LRRC37B: variants seen among roughly 807,000 people sequenced by gnomAD.
The protein encoded by LRRC37B is leucine rich repeat containing 37B.
A neutral mutation model predicts 98.3 loss-of-function variants in LRRC37B; 28 were observed. The ratio of observed to expected loss-of-function variants is 0.28; its 90% CI spans 0.21 to 0.39. The LOEUF (loss-of-function observed/expected upper bound fraction) is 0.39, where lower values mean the gene tolerates loss of function less well. Ranked by LOEUF, LRRC37B falls within the 10% of genes least tolerant of loss-of-function variation. The pLI is 1.00. For synonymous variants in LRRC37B, 364 were observed against 442.7 expected, an observed-to-expected ratio of 0.82 and a Z score of 2.23; for missense variants, 938 against 1,182.7, an observed-to-expected ratio of 0.79 and a Z score of 3.03.
At chr17:32,018,617 GC>G (rs746557133), upstream of LRRC37B, among the ~76,000 whole-genome samples, 48 of 152,240 alleles carry the variant, frequency 3.2e-4, no homozygotes, top group Middle Eastern at 0.017. Flanking sequence ...GGGATGCTGG[GC>G]TGCTTGAACA....
upstream of LRRC37B, chr17:32,007,827 CCACCGCCGCCGGCCCGCCCCGCGCCGG>C (rs975355664): frequency 5.1e-6 from 6 of 1,176,488 alleles, no homozygotes; most frequent in Non-Finnish European, 6.3e-6. This position sits in a 1 kb window ranked among gnomAD's most constrained non-coding sequence, Gnocchi z 4.1. Context: ...CCGGAGGAAG[CCACCGCCGCCGGCCCGCCCCGCGCCGG>C]CACCAGCGCA....
In LRRC37B at chr17:32,037,823, T is replaced by C. The variant is rs188854572; in HGVS notation, c.2204+2184T>C. Among the ~76,000 whole-genome samples, 5 of 152,106 alleles carry C rather than the reference T, an allele frequency of 3.3e-5. No individual in the cohort carries two copies. In the East Asian group the frequency reaches 9.7e-4, roughly 30 times the overall value. On this transcript the variant is annotated intron_variant, in intron 7 of 11. Coordinates refer to ENST00000327564, the Ensembl canonical transcript of LRRC37B. ...ATTATTATTGAGTTTTAAGAGTGCT[T>C]TAGGCCAGGCATGGTGGCTCATGCC...
chr17:32,036,476 A>G (rs1911247592), intron 7 of LRRC37B, among the ~76,000 whole-genome samples: 1 of 152,198 alleles, frequency 6.6e-6, no homozygotes, highest in Non-Finnish European at 1.5e-5. Context: ...AATTTAAAAC[A>G]CGGTACAATT....
chr17:32,012,835 G>A (rs1371231588), intron 1 of LRRC37B, among the ~76,000 whole-genome samples: 3 of 152,146 alleles, frequency 2.0e-5, no homozygotes, highest in Non-Finnish European at 2.9e-5. Context: ...TGGCTAAGAT[G>A]GTGAAACCCC....
At chr17:32,045,858 TTAAGTA>T in intron 8 of LRRC37B, 40 bp downstream of exon 11, 1 of 1,570,732 alleles carries the variant, frequency 6.4e-7, no homozygotes, top group Non-Finnish European at 8.6e-7. Flanking sequence ...TTACATTATT[TTAAGTA>T]TTTGTTTTTA....
intron 11 of LRRC37B, chr17:32,052,090 A>G (rs1385726777): frequency 6.6e-6 from 1 of 151,848 alleles, no homozygotes; most frequent in East Asian, 1.9e-4. Flanking sequence ...ATCTTAGTTG[A>G]TTCTCTTAGG....
At chr17:32,009,525 G>A (rs1427465966) in intron 1 of LRRC37B, among the ~76,000 whole-genome samples, 1 of 151,992 alleles carries the variant, frequency 6.6e-6, no homozygotes, top group East Asian at 1.9e-4. Flanking sequence ...CTGCTGCCTC[G>A]GCCTCCCAAA....
chr17:32,015,812 A>G (rs113541085), intron 1 of LRRC37B, among the ~76,000 whole-genome samples: 33 of 152,336 alleles, frequency 2.2e-4, no homozygotes, highest in African/African-American at 7.9e-4. Context: ...TCAACAAATG[A>G]GCCAGGGGGG....
chr17:32,030,110 A>G (rs1354433804), intron 3 of LRRC37B, among the ~76,000 whole-genome samples: 1 of 152,178 alleles, frequency 6.6e-6, no homozygotes, highest in African/African-American at 2.4e-5. Flanking sequence ...TATTAAAGCA[A>G]TATAAAACCA....
chr17:32,016,932 A>G (rs1386254624), upstream of LRRC37B: 1 of 152,142 alleles, frequency 6.6e-6, no homozygotes, highest in African/African-American at 2.4e-5. Context: ...CAGGATCTTC[A>G]TGACATTCAA....
exon 6 of LRRC37B, chr17:32,034,918 A>G (rs1171098829): frequency 6.2e-7 from 1 of 1,611,130 alleles, no homozygotes; most frequent in Non-Finnish European, 8.5e-7. Flanking sequence ...AGAATTCTCA[A>G]TCGCAATCCT....
At chr17:32,020,430 G>A (rs1439714796), upstream of LRRC37B, among the ~76,000 whole-genome samples, 2 of 152,092 alleles carry the variant, frequency 1.3e-5, no homozygotes, top group African/African-American at 2.4e-5. Flanking sequence ...TTGAGTTAAG[G>A]CAGGATGACA....
At chr17:32,027,431 CTGTGTGTGTGTGCTTGCCTGTG>C (rs1910995019) in intron 2 of LRRC37B, among the ~76,000 whole-genome samples, 1 of 105,598 alleles carries the variant, frequency 9.5e-6, no homozygotes, top group African/African-American at 3.5e-5. Flanking sequence ...GCGTGCTTGC[CTGTGTGTGTGTGCTTGCCTGTG>C]TGTGTGTGTG....
intron 2 of LRRC37B, among the ~76,000 whole-genome samples, chr17:32,026,174 C>T (rs946618294): frequency 4.6e-5 from 7 of 152,168 alleles, no homozygotes; most frequent in African/African-American, 1.7e-4. Flanking sequence ...TGTGTCACAT[C>T]ATTAGTTTGA....
intron 8 of LRRC37B, 101 bp from the exon 12 acceptor site, chr17:32,047,660 C>G: frequency 6.4e-7 from 1 of 1,554,770 alleles, no homozygotes; most frequent in Non-Finnish European, 8.8e-7. Context: ...CGAATGTTTG[C>G]TGACTCTTAC....
chr17:32,036,796 G>C (rs952624639), intron 7 of LRRC37B, among the ~76,000 whole-genome samples: 1 of 152,026 alleles, frequency 6.6e-6, no homozygotes, highest in Non-Finnish European at 1.5e-5. Flanking sequence ...CTCATATACA[G>C]GTCTTTGTGT....
intron 11 of LRRC37B, chr17:32,050,503 C>G (rs1452368520): frequency 4.6e-6 from 1 of 216,960 alleles, no homozygotes; most frequent in Non-Finnish European, 9.5e-6. Context: ...TTGTAATCAC[C>G]CTGGAGAGGA....
rs141308508 is a variant in LRRC37B at position 32,012,154 on chromosome 17, A to G, written c.-191+4022A>G. Among the ~76,000 whole-genome samples, 646 of 152,294 alleles carry G rather than the reference A, an allele frequency of 4.2e-3. 9 individuals are homozygous for G. The highest frequency in any genetic ancestry group is 0.014 in the African/African-American group (574 of 41,556). ...TGTTTCATAAGTAATAATTAGGTCA[A>G]GTTGGTTGATCGTGTTAAGGTCTGC... On this transcript the variant is annotated intron_variant, in intron 1 of 14. Coordinates refer to the LRRC37B transcript ENST00000543378.
chr17:32,013,823 G>A (rs1420434809), intron 1 of LRRC37B, among the ~76,000 whole-genome samples: 1 of 151,796 alleles, frequency 6.6e-6, no homozygotes, highest in African/African-American at 2.4e-5. Flanking sequence ...GTATATGTAT[G>A]TAGACATATA....
Sources: gnomAD v4.1 joint callset for allele counts (sites outside exome capture counted in the v4.1 genomes callset) on GRCh38, gnomAD v4.1.1 for gene constraint, Gnocchi (gnomAD v3.1) non-coding constraint, MANE v1.5 for transcripts, NCBI Gene and HGNC (gene_info 2026-07-23, HGNC 2026-07-21) for gene names.